The following ST3GAL5 variants were observed in gnomAD, a reference collection of about 807,000 sequenced individuals.
ST3GAL5 encodes the protein lactosylceramide alpha-2,3-sialyltransferase.
Under a neutral mutation model 46.1 loss-of-function variants are expected in ST3GAL5, and 25 were observed. The ratio of observed to expected loss-of-function variants is 0.54; its 90% CI spans 0.40 to 0.76. The LOEUF (loss-of-function observed/expected upper bound fraction) is 0.76, where lower values mean the gene tolerates loss of function less well. ST3GAL5 is among the 30% of genes least tolerant of loss of function. The pLI, the probability that ST3GAL5 is intolerant of heterozygous loss-of-function variation, is 0.00. For synonymous variants in ST3GAL5, 182 were observed against 192.7 expected, an observed-to-expected ratio of 0.94 and a Z score of 0.46; for missense variants, 431 against 521.2, an observed-to-expected ratio of 0.83 and a Z score of 1.69.
chr2:85,873,860 C>A (rs529854370), intron 1 of ST3GAL5, among the ~76,000 whole-genome samples: 1 of 152,308 alleles, frequency 6.6e-6, no homozygotes, highest in Admixed American at 6.5e-5. Context: ...CCCAGAATGT[C>A]CCCCCTGGTG....
In ST3GAL5 at chr2:85,838,590, G is replaced by C. The variant is rs966295060; in HGVS notation, c.*1554C>G. ...AAAATTATCTGTAAAGACACAAAAC[G>C]AGAGAAATATGACTTTTGCTCTCCT... On this transcript the variant is annotated 3_prime_UTR_variant, in exon 7 of 7. Transcript: ENST00000638572. 1 of 152,176 alleles carries C rather than the reference G, an allele frequency of 6.6e-6. No individual in the cohort carries two copies. The highest frequency in any genetic ancestry group is 1.5e-5 in the Non-Finnish European group (1 of 68,036). 9.4% of individuals were successfully genotyped at this position (152,176 alleles called of 1,614,324 possible).
At chr2:85,855,197 T>C (rs888017904) in intron 3 of ST3GAL5, 1 of 152,254 alleles carries the variant, frequency 6.6e-6, no homozygotes, top group African/African-American at 2.4e-5. Flanking sequence ...GGCAGGTCTT[T>C]CCTGTGCCGT....
At chr2:85,876,437 C>T (rs1048482129) in intron 1 of ST3GAL5, among the ~76,000 whole-genome samples, 19 of 149,966 alleles carry the variant, frequency 1.3e-4, no homozygotes, top group African/African-American at 2.7e-4. Flanking sequence ...TTCCTCCACC[C>T]TGTTTTCTTT....
At chr2:85,849,474 A>T (rs1273283750) in intron 3 of ST3GAL5, 1 of 151,718 alleles carries the variant, frequency 6.6e-6, no homozygotes, top group Non-Finnish European at 1.5e-5. Flanking sequence ...TTAGCCGGGC[A>T]CGTGGTGGTG....
intron 3 of ST3GAL5, chr2:85,849,377 G>C (rs1293908170): frequency 6.6e-6 from 1 of 152,536 alleles, no homozygotes; most frequent in Non-Finnish European, 1.5e-5. Context: ...GACAGAGGGA[G>C]ACCCTGTCTC....
At chr2:85,867,525 T>C in intron 1 of ST3GAL5, 2 of 776,894 alleles carry the variant, frequency 2.6e-6, no homozygotes, top group Middle Eastern at 2.7e-4. Context: ...TGGGCAGGCA[T>C]ATGCAAACCC....
At chr2:85,870,260 T>C (rs1326423573) in intron 1 of ST3GAL5, 2 of 470,032 alleles carry the variant, frequency 4.3e-6, no homozygotes, top group African/African-American at 4.0e-5. Context: ...TCACAGTGCC[T>C]AGGAAGGGAA....
intron 1 of ST3GAL5, among the ~76,000 whole-genome samples, chr2:85,874,393 G>C (rs1460529862): frequency 6.6e-6 from 1 of 152,096 alleles, no homozygotes; most frequent in Non-Finnish European, 1.5e-5. Flanking sequence ...GTTACTCTCA[G>C]AGCCCAGTTC....
Position 85,888,812 on chromosome 2 carries a change from T to G in ST3GAL5, c.82+12A>C. ...GCCCCCGCGACGCCGAGGAGGGGGC[T>G]GCGCCACGTACCTCGGCCGGCAGGT... On this transcript the variant is annotated intron_variant, in intron 1 of 6. Coordinates refer to ENST00000638572, the MANE Select transcript of ST3GAL5 (RefSeq NM_003896.4). 2 of 1,234,818 alleles carry G rather than the reference T, an allele frequency of 1.6e-6. No homozygotes were observed. Among genetic ancestry groups the G allele is most frequent in the Non-Finnish European group, 2.0e-6 (2 of 991,008 alleles). 76.5% of individuals were successfully genotyped at this position (1,234,818 alleles called of 1,614,324 possible). A position where few individuals can be genotyped will look rare whatever the true frequency, so the allele number is the denominator to read the frequency against.
At chr2:85,851,283 C>A in intron 3 of ST3GAL5, 3 of 1,134,700 alleles carry the variant, frequency 2.6e-6, no homozygotes, top group Non-Finnish European at 3.3e-6. Context: ...GTGACCCCTC[C>A]TGCGCCTAAG....
At chr2:85,857,066 CAAAAAAAA>C (rs373154047) in intron 3 of ST3GAL5, among the ~76,000 whole-genome samples, 6 of 70,936 alleles carry the variant, frequency 8.5e-5, no homozygotes, top group South Asian at 3.9e-4. Flanking sequence ...CTGCCTCTAC[CAAAAAAAA>C]AAAAAAAAAA....
Position 85,838,388 on chromosome 2 carries a change from C to T in ST3GAL5, c.*1756G>A, listed in dbSNP as rs911256300. The T allele has an allele frequency of 7.2e-5, 11 of 152,150 alleles. No individual in the cohort carries two copies. The highest frequency in any genetic ancestry group is 2.4e-4 in the African/African-American group (10 of 41,428). The allele number at this position is 152,150 out of a possible 1,614,324, so 9.4% of individuals were successfully genotyped here. On this transcript the variant is annotated 3_prime_UTR_variant, in exon 7 of 7. Coordinates refer to ENST00000638572, the MANE Select transcript of ST3GAL5 (RefSeq NM_003896.4). ...GAAGTTCCGGCTTCTCCAATAACCC[C>T]CTGAGGGATGTAGGGGTGGAGCTGT...
rs1684929756 is a variant in ST3GAL5 at position 85,863,349 on chromosome 2, G to A, written c.206+13C>T. 1 of 1,613,906 alleles carries A rather than the reference G, an allele frequency of 6.2e-7. No individual in the cohort carries two copies. The highest frequency in any genetic ancestry group is 2.2e-5 in the East Asian group (1 of 44,882). On this transcript the variant is annotated intron_variant, in intron 2 of 6. Transcript: ENST00000638572. ...AAAGCAGGGGGATCTACAGTCCCAGGGGCGGTACTTACTTGAGGATGTCTT... is the reference window on the plus strand; with the variant it reads ...AAAGCAGGGGGATCTACAGTCCCAGAGGCGGTACTTACTTGAGGATGTCTT...
intron 1 of ST3GAL5, among the ~76,000 whole-genome samples, chr2:85,866,821 G>C (rs537439886): frequency 6.6e-6 from 1 of 152,236 alleles, no homozygotes; most frequent in African/African-American, 2.4e-5. Flanking sequence ...ACCTAGGACA[G>C]AGATTGGCAC....
intron 1 of ST3GAL5, among the ~76,000 whole-genome samples, chr2:85,884,239 G>A (rs552513362): frequency 1.9e-4 from 29 of 152,186 alleles, no homozygotes; most frequent in Non-Finnish European, 3.5e-4. Context: ...AATAAAGTGA[G>A]TAGGAAAGCA....
chr2:85,859,572 T>C (rs138854155), intron 3 of ST3GAL5, among the ~76,000 whole-genome samples: 69 of 152,330 alleles, frequency 4.5e-4, no homozygotes, highest in African/African-American at 1.5e-3. Context: ...AGGACACCTA[T>C]GCTGGGAAGG....
chr2:85,860,006 C>A (rs1389605435), intron 3 of ST3GAL5, among the ~76,000 whole-genome samples: 1 of 152,158 alleles, frequency 6.6e-6, no homozygotes, highest in Non-Finnish European at 1.5e-5. Context: ...GACTCTGAAA[C>A]CACACCACTG....
Position 85,848,099 on chromosome 2 carries a change from G to T in ST3GAL5, c.424C>A (p.Leu142Ile), listed in dbSNP as rs762954685. 8.7e-6 allele frequency: 14 copies of T among 1,614,082 alleles called. No individual in the cohort carries two copies. Among genetic ancestry groups the T allele is most frequent in the Non-Finnish European group, 1.2e-5 (14 of 1,180,050 alleles). Residue 142 changes from leucine to isoleucine, a missense_variant, in exon 4 of 7, where the codon CTC becomes ATC. Leu to Ile is a conservative substitution (Grantham distance 5). Coordinates refer to ENST00000638572, the MANE Select transcript of ST3GAL5 (RefSeq NM_003896.4). Reference protein sequence around the residue: ...LFEHRYSVDLLPFVQKAPKDS... With the variant: ...LFEHRYSVDLIPFVQKAPKDS... ...TTGGGGGCCTTCTGCACAAAAGGGA[G>T]TAAGTCCACGCTATACCTGTGCTCA...
intron 3 of ST3GAL5, chr2:85,853,707 T>G (rs1283453031): frequency 1.3e-5 from 2 of 153,632 alleles, no homozygotes; most frequent in African/African-American, 4.8e-5. Context: ...TCGTGCTTAG[T>G]GTAGCATTCA....
Sources: gnomAD v4.1 joint callset for allele counts (sites outside exome capture counted in the v4.1 genomes callset) on GRCh38, gnomAD v4.1.1 for gene constraint, MANE v1.5 for transcripts, NCBI Gene and HGNC (gene_info 2026-07-23, HGNC 2026-07-21) for gene names.